PTK2B: variants seen among roughly 807,000 people sequenced by gnomAD.
The protein encoded by PTK2B is protein tyrosine kinase 2 beta.
In PTK2B, 71 loss-of-function variants were observed where a neutral mutation model predicts 142.9. The ratio of observed to expected loss-of-function variants is 0.50; its 90% CI spans 0.41 to 0.61. The LOEUF is 0.61. Ranked by LOEUF, PTK2B falls within the 20% of genes least tolerant of loss-of-function variation. PTK2B has a pLI of 0.00. For missense variants in PTK2B, 1,105 were observed against 1,320.4 expected (o/e 0.84, Z 2.53); for synonymous variants, 519 against 503.4 (o/e 1.03, Z -0.42).
intron 1 of PTK2B, among the ~76,000 whole-genome samples, chr8:27,373,836 G>A (rs896880840): frequency 3.3e-5 from 5 of 152,022 alleles, no homozygotes; most frequent in Non-Finnish European, 5.9e-5. Context: ...AGAGCCTTGG[G>A]ATGGGATCTT....
chr8:27,328,486 G>A (rs1421872029), intron 1 of PTK2B, among the ~76,000 whole-genome samples: 2 of 152,178 alleles, frequency 1.3e-5, no homozygotes, highest in Non-Finnish European at 2.9e-5. Flanking sequence ...TTGTGGGAAC[G>A]GCTAGGTTAA....
rs1879184 is a variant in PTK2B, at chr8:27,454,186, T to C, written c.2628T>C (p.Thr876=). The C allele has an allele frequency of 0.85, 1,375,525 of 1,613,920 alleles. 589,073 individuals carry two copies. Among genetic ancestry groups the C allele is most frequent in the Middle Eastern group, 0.93 (5,666 of 6,062 alleles). ...SIQPTANLDR[T]DDLVYLNVME... ...AGCCCACAGCTAACCTGGACCGGAC[T>C]GATGACCTGGTGTACCTCAATGTCA... Residue 876 remains threonine (T), a synonymous_variant, in exon 29 of 31, where the codon ACT becomes ACC. Transcript: ENST00000346049.
chr8:27,360,558 C>T (rs1805638180), intron 1 of PTK2B, among the ~76,000 whole-genome samples: 1 of 151,868 alleles, frequency 6.6e-6, no homozygotes, highest in African/African-American at 2.4e-5. Flanking sequence ...ACCATGGAAG[C>T]CAATGTGACT....
chr8:27,404,146 C>T (rs940819093), intron 2 of PTK2B, among the ~76,000 whole-genome samples: 3 of 152,118 alleles, frequency 2.0e-5, no homozygotes, highest in Non-Finnish European at 1.5e-5. Context: ...ACATGGTCAC[C>T]TTCGTCTAAG....
chr8:27,331,430 C>G (rs879877334), intron 1 of PTK2B, among the ~76,000 whole-genome samples: 15 of 151,906 alleles, frequency 9.9e-5, no homozygotes, highest in Non-Finnish European at 2.2e-4. Context: ...TGTGGTGGTT[C>G]TGACCACTTG....
intron 30 of PTK2B, among the ~76,000 whole-genome samples, chr8:27,456,565 A>C (rs1023717640): frequency 3.3e-5 from 5 of 152,152 alleles, no homozygotes; most frequent in Non-Finnish European, 7.3e-5. Context: ...TATTGAAATT[A>C]GGCCAATTAA....
At position 27,437,421 on chromosome 8, in the gene PTK2B, G is replaced by A. The variant is rs747495256; in HGVS notation, c.1452G>A (p.Pro484=). Residue 484 remains proline, a synonymous_variant, in exon 17 of 31, where the codon CCG becomes CCA. Transcript: ENST00000346049. ...TGATCATGAAGAACCTCGACCACCC[G>A]CACATCGTGAAGCTGATCGGCATCA... The part of the protein sequence containing the change: ...EAVIMKNLDH[P]HIVKLIGIIE... 1.9e-5 allele frequency: 31 copies of A among 1,613,100 alleles called. No homozygotes were observed. The highest frequency in any genetic ancestry group is 1.7e-4 in the Middle Eastern group (1 of 6,056).
At chr8:27,420,853 G>A in intron 4 of PTK2B, 109 bp downstream of exon 4, 1 of 1,028,934 alleles carries the variant, frequency 9.7e-7, no homozygotes, top group Non-Finnish European at 1.4e-6. Flanking sequence ...GATTATGGAG[G>A]GCCCAGGCTA....
At chr8:27,406,793 C>T (rs1366266119) in intron 2 of PTK2B, among the ~76,000 whole-genome samples, 1 of 152,186 alleles carries the variant, frequency 6.6e-6, no homozygotes, top group East Asian at 1.9e-4. Context: ...CATTATGGTA[C>T]CATGAATGCT....
chr8:27,389,493 T>A (rs1238738409), intron 1 of PTK2B, among the ~76,000 whole-genome samples: 1 of 151,016 alleles, frequency 6.6e-6, no homozygotes, highest in Non-Finnish European at 1.5e-5. Context: ...GGAGGAGAGG[T>A]TCCTTTAGCA....
intron 1 of PTK2B, among the ~76,000 whole-genome samples, chr8:27,341,346 C>T (rs146693414): frequency 3.1e-4 from 47 of 152,312 alleles, no homozygotes; most frequent in African/African-American, 9.6e-4. Flanking sequence ...GCTCACACTC[C>T]GGAAACATTT....
chr8:27,313,118 TCTC>T (rs1462016665), intron 2 of PTK2B: 1 of 152,210 alleles, frequency 6.6e-6, no homozygotes, highest in Non-Finnish European at 1.5e-5. Flanking sequence ...CCCATGCTGT[TCTC>T]CTGATAGTGA....
intron 5 of PTK2B, among the ~76,000 whole-genome samples, chr8:27,425,480 C>T (rs1433722304): frequency 6.6e-6 from 1 of 152,030 alleles, no homozygotes; most frequent in Non-Finnish European, 1.5e-5. Flanking sequence ...TTTAGATTCT[C>T]AGCAAAATTG....
At chr8:27,371,018 C>T (rs748599301) in intron 1 of PTK2B, among the ~76,000 whole-genome samples, 28 of 152,078 alleles carry the variant, frequency 1.8e-4, no homozygotes, top group Non-Finnish European at 2.8e-4. Context: ...ACCTCAGCCT[C>T]CCAAGAAGAT....
chr8:27,368,747 C>T (rs1402723706), intron 1 of PTK2B, among the ~76,000 whole-genome samples: 1 of 152,210 alleles, frequency 6.6e-6, no homozygotes, highest in Non-Finnish European at 1.5e-5. Context: ...CCACCTGTCC[C>T]ACTTGGCCAT....
At chr8:27,444,501 G>A (rs957842584) in intron 23 of PTK2B, among the ~76,000 whole-genome samples, 1 of 152,042 alleles carries the variant, frequency 6.6e-6, no homozygotes, top group African/African-American at 2.4e-5. Context: ...CCATCCCTCT[G>A]TCTACATCAT....
At chr8:27,370,878 G>T (rs1003585602) in intron 1 of PTK2B, among the ~76,000 whole-genome samples, 3 of 152,126 alleles carry the variant, frequency 2.0e-5, no homozygotes, top group African/African-American at 7.2e-5. Flanking sequence ...GAAAACTGTG[G>T]TGAGACTCTC....
At chr8:27,327,007 G>A (rs914972256) in intron 1 of PTK2B, 3 of 152,376 alleles carry the variant, frequency 2.0e-5, no homozygotes, top group African/African-American at 7.2e-5. Flanking sequence ...GGGGGAGCCA[G>A]TCAGCAATGG....
chr8:27,349,500 T>G (rs1379818137), intron 1 of PTK2B, among the ~76,000 whole-genome samples: 3 of 152,232 alleles, frequency 2.0e-5, no homozygotes, highest in African/African-American at 7.2e-5. Flanking sequence ...TGGAGTTGGA[T>G]TCTCAGAAGG....
Sources: gnomAD v4.1 joint callset for allele counts (sites outside exome capture counted in the v4.1 genomes callset) on GRCh38, gnomAD v4.1.1 for gene constraint, MANE v1.5 for transcripts, NCBI Gene and HGNC (gene_info 2026-07-23, HGNC 2026-07-21) for gene names.